Variants in RGS6 observed in about 807,000 individuals in gnomAD.
RGS6 encodes regulator of G protein signaling 6, also known as regulator of G-protein signaling 6.
RGS6 carries 30 observed loss-of-function variants against 78.5 expected under a neutral mutation model. The observed-to-expected ratio is 0.38, with a 90% CI of 0.29 to 0.52. RGS6 has a LOEUF of 0.52. Among genes scored for constraint, RGS6 ranks in the 20% least tolerant of loss-of-function variants. The pLI is 0.85. For missense variants in RGS6, 495 were observed against 609.7 expected, an observed-to-expected ratio of 0.81 and a Z score of 1.98; for synonymous variants, 206 against 206.0, an observed-to-expected ratio of 1.00 and a Z score of 0.00.
In RGS6 at chr14:72,190,075, G is replaced by A. The variant is rs149549976; in HGVS notation, c.85-162020G>A. 1.4e-4 allele frequency among the ~76,000 whole-genome samples: 21 copies of A among 152,170 alleles called. No individual in the cohort carries two copies. In the East Asian group the frequency reaches 3.7e-3, roughly 27 times the overall value. On this transcript the variant is annotated intron_variant, in intron 2 of 17. Transcript: ENST00000553525. Reference sequence around the variant, plus strand: ...GGACTTTCTTTATCCCTCTTTGCCAGCCAACCTGTGTACCCCTTTTCTTCT... The same window carrying A: ...GGACTTTCTTTATCCCTCTTTGCCAACCAACCTGTGTACCCCTTTTCTTCT...
intron 12 of RGS6, among the ~76,000 whole-genome samples, chr14:72,479,115 G>T (rs187202257): frequency 1.3e-5 from 2 of 152,308 alleles, no homozygotes; most frequent in East Asian, 3.9e-4. Flanking sequence ...CAGATAAACT[G>T]AGTCTTTTAA....
chr14:72,495,717 A>G (rs2096636447), intron 13 of RGS6, among the ~76,000 whole-genome samples: 3 of 152,196 alleles, frequency 2.0e-5, no homozygotes, highest in Admixed American at 2.0e-4. Flanking sequence ...GAGTTAATGA[A>G]CTTGCCCAAG....
the RGS6 span, among the ~76,000 whole-genome samples, chr14:72,575,153 T>C: frequency 6.6e-6 from 1 of 151,836 alleles, no homozygotes; most frequent in South Asian, 2.1e-4. Flanking sequence ...GGTAGGTAAA[T>C]GGTAGGAGGC....
chr14:72,281,501 T>G (rs1286007454), intron 2 of RGS6, among the ~76,000 whole-genome samples: 1 of 152,150 alleles, frequency 6.6e-6, no homozygotes, highest in African/African-American at 2.4e-5. Flanking sequence ...CCACATGTAT[T>G]TCATGACTTC....
At chr14:72,075,177 G>A (rs1265091839) in intron 2 of RGS6, among the ~76,000 whole-genome samples, 3 of 152,038 alleles carry the variant, frequency 2.0e-5, no homozygotes, top group African/African-American at 7.2e-5. Flanking sequence ...TCTCCAATTA[G>A]GCATATTATC....
At chr14:72,111,824 T>G (rs567631414) in intron 2 of RGS6, among the ~76,000 whole-genome samples, 52 of 152,334 alleles carry the variant, frequency 3.4e-4, no homozygotes, top group Admixed American at 6.5e-4. Context: ...TCAGACCATT[T>G]GCTTAAATGA....
chr14:72,091,046 C>T (rs1445739207), intron 2 of RGS6, among the ~76,000 whole-genome samples: 1 of 152,060 alleles, frequency 6.6e-6, no homozygotes, highest in Non-Finnish European at 1.5e-5. Context: ...GTAGCATGAA[C>T]GTTTATTGTG....
At chr14:71,990,266 A>C (rs561892860) in intron 2 of RGS6, among the ~76,000 whole-genome samples, 1 of 152,280 alleles carries the variant, frequency 6.6e-6, no homozygotes, top group South Asian at 2.1e-4. Flanking sequence ...AAATTTCAAC[A>C]TGAGATTTGA....
At chr14:71,924,728 CTTTT>C in the RGS6 span, among the ~76,000 whole-genome samples, 1 of 152,088 alleles carries the variant, frequency 6.6e-6, no homozygotes, top group Non-Finnish European at 1.5e-5. Flanking sequence ...ACAGAATCTC[CTTTT>C]TTAAGCCTGA....
chr14:71,972,464 G>T (rs1046841996), intron 2 of RGS6, among the ~76,000 whole-genome samples: 1 of 152,062 alleles, frequency 6.6e-6, no homozygotes. Context: ...CCTAACGAAT[G>T]CAAGTATTAT....
chr14:71,917,896 G>C, the RGS6 span, among the ~76,000 whole-genome samples: 72 of 152,182 alleles, frequency 4.7e-4, no homozygotes, highest in African/African-American at 1.6e-3. Flanking sequence ...CTTCTCGGCC[G>C]GGCGCGGTGG....
chr14:72,610,396 G>A, the RGS6 span, among the ~76,000 whole-genome samples: 18 of 152,138 alleles, frequency 1.2e-4, no homozygotes, highest in Non-Finnish European at 2.2e-4. Flanking sequence ...GAATCCCAGC[G>A]TTCACAAATG....
chr14:72,448,195 G>A (rs1007384049), intron 3 of RGS6, among the ~76,000 whole-genome samples: 1 of 152,230 alleles, frequency 6.6e-6, no homozygotes, highest in African/African-American at 2.4e-5. Context: ...CCGTTTGTAA[G>A]TGATGTACCA....
At position 72,565,744 on chromosome 14, in the gene RGS6, G is replaced by C. The variant is rs919453211; in HGVS notation, c.*3277G>C. On this transcript the variant is annotated 3_prime_UTR_variant, in exon 18 of 18. Coordinates refer to ENST00000553525, the MANE Select transcript of RGS6 (RefSeq NM_001204424.2). ...CCTCACCAACAGGACGCTGAACCAG[G>C]AGCCTGCCACCCAACTGGCCCCCTT... is the stretch of plus-strand genomic sequence containing the variant. The C allele has an allele frequency of 2.6e-5, 4 of 152,308 alleles. No individual in the cohort carries two copies. The highest frequency in any genetic ancestry group is 9.7e-5 in the African/African-American group (4 of 41,426). 9.4% of individuals were successfully genotyped at this position (152,308 alleles called of 1,614,324 possible). A position where few individuals can be genotyped will look rare whatever the true frequency, so the allele number is the denominator to read the frequency against.
chr14:72,070,946 A>T (rs2094387201), intron 2 of RGS6, among the ~76,000 whole-genome samples: 2 of 152,006 alleles, frequency 1.3e-5, no homozygotes, highest in African/African-American at 4.8e-5. Context: ...CCTTGTTACA[A>T]CTCATTGATG....
At chr14:72,287,508 G>A (rs1450350119) in intron 2 of RGS6, among the ~76,000 whole-genome samples, 1 of 152,134 alleles carries the variant, frequency 6.6e-6, no homozygotes, top group Non-Finnish European at 1.5e-5. Context: ...CCAGGCTGGA[G>A]TGCAGTGGCG....
chr14:72,035,487 TTTA>T (rs1402051500), intron 2 of RGS6, among the ~76,000 whole-genome samples: 1 of 152,170 alleles, frequency 6.6e-6, no homozygotes, highest in Non-Finnish European at 1.5e-5. Context: ...TACTCTAGTC[TTTA>T]TTATTTCCCT....
At chr14:72,458,242 C>A (rs757997394) in intron 4 of RGS6, 29 bp from the exon 5 acceptor site, 40 of 1,544,332 alleles carry the variant, frequency 2.6e-5, no homozygotes, top group Non-Finnish European at 3.5e-5. Flanking sequence ...CTTTCTAATT[C>A]CTTCTCTCTC....
chr14:72,531,211 T>A (rs535786307), intron 15 of RGS6, among the ~76,000 whole-genome samples: 1 of 152,210 alleles, frequency 6.6e-6, no homozygotes, highest in African/African-American at 2.4e-5. Context: ...AACAGGTGGA[T>A]CACTTGAGGC....
Sources: allele counts gnomAD v4.1 joint callset (sites outside exome capture counted in the v4.1 genomes callset), GRCh38; gene constraint gnomAD v4.1.1; transcripts MANE v1.5; gene names NCBI Gene and HGNC (gene_info 2026-07-23, HGNC 2026-07-21).